Variants in ZNF557 observed in about 807,000 individuals in gnomAD.
ZNF557 encodes zinc finger protein 557, also known as CTB-25J19.9.
In ZNF557, 19 loss-of-function variants were observed where a neutral mutation model predicts 21.2. The ratio of observed to expected loss-of-function variants is 0.90; its 90% CI spans 0.63 to 1.32. ZNF557 has a LOEUF of 1.32. ZNF557 is among the 40% of genes most tolerant of loss of function. The pLI, the probability that ZNF557 is intolerant of heterozygous loss-of-function variation, is 0.00. For synonymous variants in ZNF557, 207 were observed against 194.8 expected, an observed-to-expected ratio of 1.06 and a Z score of -0.52; for missense variants, 487 against 519.8, an observed-to-expected ratio of 0.94 and a Z score of 0.61.
At position 7,083,012 on chromosome 19, in the gene ZNF557, A is replaced by G. The variant is rs1398669274; in HGVS notation, c.561A>G (p.Lys187=). 3.1e-6 allele frequency: 5 copies of G among 1,614,074 alleles called. No homozygotes were observed. Among genetic ancestry groups the G allele is most frequent in the Admixed American group, 1.7e-5 (1 of 59,990 alleles). Residue 187 remains lysine, a synonymous_variant, in exon 8 of 8, where the codon AAA becomes AAG. Transcript: ENST00000252840. ...ERPYGCSECG[K]SYSSRSYLAV... Reference sequence around the variant, plus strand: ...CCTATGGCTGCAGTGAATGTGGGAAATCCTACAGCAGTAGATCTTACCTTG... The same window carrying G: ...CCTATGGCTGCAGTGAATGTGGGAAGTCCTACAGCAGTAGATCTTACCTTG...
intron 5 of ZNF557, among the ~76,000 whole-genome samples, chr19:7,079,658 G>T (rs1266845061): frequency 1.3e-5 from 2 of 152,162 alleles, no homozygotes; most frequent in East Asian, 3.9e-4. Context: ...GTTGTAGTTG[G>T]TATTGTTTCT....
chr19:7,077,224 C>T (rs1415995633), intron 5 of ZNF557, among the ~76,000 whole-genome samples: 1 of 149,734 alleles, frequency 6.7e-6, no homozygotes, highest in Non-Finnish European at 1.5e-5. Flanking sequence ...CAGCCTCCAC[C>T]TTCCAGGTTC....
At chr19:7,073,737 C>T (rs974541950) in intron 2 of ZNF557, among the ~76,000 whole-genome samples, 1 of 152,130 alleles carries the variant, frequency 6.6e-6, no homozygotes, top group African/African-American at 2.4e-5. Context: ...TCTCCCAATC[C>T]TTCTCTCCCC....
At position 7,083,701 on chromosome 19, in the gene ZNF557, C is replaced by G. The variant is rs754852734; in HGVS notation, c.1250C>G (p.Ser417Cys). 3 of 1,613,400 alleles carry G rather than the reference C, an allele frequency of 1.9e-6. No homozygotes were observed. Among genetic ancestry groups the G allele is most frequent in the Non-Finnish European group, 2.5e-6 (3 of 1,179,746 alleles). Residue 417 changes from serine to cysteine, a missense_variant, in exon 8 of 8, where the codon TCC becomes TGC. Ser to Cys is a moderately radical substitution (Grantham distance 112). Coordinates refer to ENST00000252840, the MANE Select transcript of ZNF557 (RefSeq NM_024341.3). ...NYCGKSFTSN[S>C]YLSVHTRMHN... ...TGCGGGAAATCCTTCACAAGTAACT[C>G]CTACCTTTCTGTGCATACGAGAATG...
Position 7,074,993 on chromosome 19 carries a change from C to T in ZNF557, c.-79-3C>T. Reference sequence around the variant, plus strand: ...GGCAGAGTGTTCCCCCCATTTCTTCCAGGGTGCTGTCCTGAGAGCGCTGCG... The same window carrying T: ...GGCAGAGTGTTCCCCCCATTTCTTCTAGGGTGCTGTCCTGAGAGCGCTGCG... On this transcript the variant is annotated splice_region_variant and splice_polypyrimidine_tract_variant and intron_variant, in intron 2 of 7. Coordinates refer to ENST00000252840, the MANE Select transcript of ZNF557 (RefSeq NM_024341.3). The T allele has an allele frequency of 6.2e-7, 1 of 1,609,120 alleles. No individual in the cohort carries two copies.
intron 7 of ZNF557, among the ~76,000 whole-genome samples, chr19:7,082,645 A>G (rs1977736523): frequency 6.6e-6 from 1 of 152,198 alleles, no homozygotes; most frequent in Non-Finnish European, 1.5e-5. Context: ...AATTAGCCTT[A>G]AATTTATCAA....
At chr19:7,075,428 G>T (rs1042170476) in intron 3 of ZNF557, among the ~76,000 whole-genome samples, 13 of 152,202 alleles carry the variant, frequency 8.5e-5, no homozygotes, top group Admixed American at 7.9e-4. Context: ...TTCCCCAAGT[G>T]CAGTCAGACC....
Position 7,076,418 on chromosome 19 carries a change from C to T in ZNF557, c.158C>T (p.Thr53Ile). 2.5e-6 allele frequency: 4 copies of T among 1,614,162 alleles called. No individual in the cohort carries two copies. Among genetic ancestry groups the T allele is most frequent in the Non-Finnish European group, 3.4e-6 (4 of 1,180,036 alleles). ...VTFEDVAVEFTQEEWALLDPA... is the reference protein window; with the variant it reads ...VTFEDVAVEFIQEEWALLDPA... ...TTTGAGGATGTGGCCGTGGAGTTCA[C>T]CCAGGAGGAGTGGGCATTGCTGGAC... The change falls in exon 5 of 8, where the codon ACC becomes ATC. Residue 53 changes from threonine to isoleucine, a missense_variant. Physicochemically the swap from Thr to Ile is moderately conservative, Grantham distance 89 (BLOSUM62 -1). Coordinates refer to ENST00000252840, the MANE Select transcript of ZNF557 (RefSeq NM_024341.3).
Position 7,083,395 on chromosome 19 carries a change from C to A in ZNF557, c.944C>A (p.Thr315Lys). Residue 315 changes from threonine (T) to lysine (K), a missense_variant, in exon 8 of 8, where the codon ACA becomes AAA. By Grantham distance (78) the Thr-to-Lys change is moderately conservative. Coordinates refer to ENST00000252840, the MANE Select transcript of ZNF557 (RefSeq NM_024341.3). ...CTTTCTTCGCACTATAGCATTCATA[C>A]AGGGGAGTACCCTTACGAATGCCAC... ...SSLSSHYSIH[T>K]GEYPYECHDC... 6.2e-7 allele frequency: 1 copy of A among 1,614,192 alleles called. No homozygotes were observed. Among genetic ancestry groups the A allele is most frequent in the Non-Finnish European group, 8.5e-7 (1 of 1,180,042 alleles).
Position 7,087,201 on chromosome 19 carries a change from G to GCTTTTTTTTTTTTTTT in ZNF557, c.*3458_*3473dup, listed in dbSNP as rs1977874759. 2.5e-5 allele frequency: 1 copy of GCTTTTTTTTTTTTTTT among 40,540 alleles called. No individual in the cohort carries two copies. Among genetic ancestry groups the GCTTTTTTTTTTTTTTT allele is most frequent in the African/African-American group, 8.9e-5 (1 of 11,272 alleles). 2.5% of individuals were successfully genotyped at this position (40,540 alleles called of 1,614,324 possible). A position where few individuals can be genotyped will look rare whatever the true frequency, so the allele number is the denominator to read the frequency against. Reference sequence around the variant, plus strand: ...GGACACAAAGCATAGAGTTAAAAGAGCTTTTTTTTTTTTTTTTTTTTTTTT... The same window carrying GCTTTTTTTTTTTTTTT: ...GGACACAAAGCATAGAGTTAAAAGAGCTTTTTTTTTTTTTTTCTTTTTTTTTTTTTTTTTTTTTTTT... On this transcript the variant is annotated 3_prime_UTR_variant, in exon 8 of 8. Coordinates refer to ENST00000252840, the MANE Select transcript of ZNF557 (RefSeq NM_024341.3).
rs1363533800 is a variant in ZNF557 at position 7,086,709 on chromosome 19, A to C, written c.*2965A>C. ...TTCTCCCTACTTAAAGAAAAAGATA[A>C]GTTGTCAATGAGCAGTATTGAAAAT... On this transcript the variant is annotated 3_prime_UTR_variant, in exon 8 of 8. Transcript: ENST00000252840. 6.6e-6 allele frequency: 1 copy of C among 151,038 alleles called. No homozygotes were observed. The highest frequency in any genetic ancestry group is 1.5e-5 in the Non-Finnish European group (1 of 67,852). 9.4% of individuals were successfully genotyped at this position (151,038 alleles called of 1,614,324 possible).
chr19:7,079,697 T>C (rs1421202411), intron 5 of ZNF557, among the ~76,000 whole-genome samples: 2 of 152,194 alleles, frequency 1.3e-5, no homozygotes, highest in Non-Finnish European at 2.9e-5. Context: ...GAACTAATTT[T>C]GTAACGTCTG....
intron 7 of ZNF557, 72 bp downstream of exon 7, chr19:7,082,124 T>A (rs2145175816): frequency 2.5e-6 from 3 of 1,218,420 alleles, no homozygotes; most frequent in Non-Finnish European, 3.6e-6. Flanking sequence ...CCACAAGGAC[T>A]GGCCTTGTTG....
chr19:7,075,285 T>C (rs986253131), intron 3 of ZNF557, among the ~76,000 whole-genome samples, 180 bp downstream of exon 3: 2 of 152,178 alleles, frequency 1.3e-5, no homozygotes, highest in Non-Finnish European at 2.9e-5. Context: ...TTTGGGTGTC[T>C]GTGGATGTCA....
chr19:7,072,749 G>A (rs112250537), intron 2 of ZNF557, among the ~76,000 whole-genome samples: 4 of 152,168 alleles, frequency 2.6e-5, no homozygotes, highest in African/African-American at 9.7e-5. Context: ...ATCCTGGGTT[G>A]GATGCCATGT....
chr19:7,079,985 C>T (rs912336019), intron 5 of ZNF557, among the ~76,000 whole-genome samples: 1 of 152,100 alleles, frequency 6.6e-6, no homozygotes, highest in Non-Finnish European at 1.5e-5. Flanking sequence ...GTGTTCATCC[C>T]TGGGTATGAG....
chr19:7,075,568 C>A, intron 3 of ZNF557, 87 bp from the exon 4 acceptor site: 1 of 1,333,964 alleles, frequency 7.5e-7, no homozygotes, highest in South Asian at 1.3e-5. Flanking sequence ...GGGACCTGGT[C>A]GATCGCAGGC....
chr19:7,072,115 CAAAA>C (rs71177148), intron 2 of ZNF557, among the ~76,000 whole-genome samples: 8 of 67,360 alleles, frequency 1.2e-4, no homozygotes, highest in African/African-American at 1.3e-4. Context: ...GACTCCGTCT[CAAAA>C]AAAAAAAAAA....
rs567649588 is a variant in ZNF557, at chr19:7,075,063, C to T, written c.-12C>T. On this transcript the variant is annotated 5_prime_UTR_variant, in exon 3 of 8. Coordinates refer to ENST00000252840, the MANE Select transcript of ZNF557 (RefSeq NM_024341.3). ...TGCTTCCCGGCTGCCCTGTTGCTGT[C>T]GGAGTCACAGGATGGCGGCTGTCGT... is the stretch of plus-strand genomic sequence containing the variant. 3.1e-6 allele frequency: 5 copies of T among 1,614,054 alleles called. No individual in the cohort carries two copies. Among genetic ancestry groups the T allele is most frequent in the South Asian group, 2.2e-5 (2 of 91,082 alleles).
Sources: allele counts gnomAD v4.1 joint callset (sites outside exome capture counted in the v4.1 genomes callset), GRCh38; gene constraint gnomAD v4.1.1; transcripts MANE v1.5; gene names NCBI Gene and HGNC (gene_info 2026-07-23, HGNC 2026-07-21).